Variants in NEBL observed in about 807,000 individuals in gnomAD.
NEBL encodes nebulette, also known as LIM and SH3 protein 2.
A neutral mutation model predicts 140.2 loss-of-function variants in NEBL; 122 were observed. The ratio of observed to expected loss-of-function variants is 0.87; its 90% CI spans 0.75 to 1.01. The LOEUF (loss-of-function observed/expected upper bound fraction) is 1.01, where lower values mean the gene tolerates loss of function less well. Among genes scored for constraint, NEBL ranks in the 50% least tolerant of loss-of-function variants. The pLI, the probability that NEBL is intolerant of heterozygous loss-of-function variation, is 0.00. For missense variants in NEBL, 1,365 were observed against 1,231.3 expected (o/e 1.11, Z -1.62); for synonymous variants, 436 against 398.9 (o/e 1.09, Z -1.11).
At chr10:21,128,760 G>A (rs1838960583) in intron 2 of NEBL, among the ~76,000 whole-genome samples, 1 of 152,108 alleles carries the variant, frequency 6.6e-6, no homozygotes, top group Non-Finnish European at 1.5e-5. Flanking sequence ...TTTTAAAAGT[G>A]TGACAAAAGT....
chr10:20,894,814 G>A (rs535137684), intron 2 of NEBL, among the ~76,000 whole-genome samples: 77 of 149,952 alleles, frequency 5.1e-4, no homozygotes, highest in African/African-American at 1.7e-3. Flanking sequence ...CTGTGGTCCC[G>A]GCTACTCGGG....
chr10:20,909,153 C>T (rs904969286), intron 4 of NEBL, among the ~76,000 whole-genome samples: 28 of 148,022 alleles, frequency 1.9e-4, no homozygotes, highest in African/African-American at 7.0e-4. Context: ...TTACAAACAT[C>T]CAACTACACT....
chr10:21,280,504 C>T (rs1264411095), intron 1 of NEBL, among the ~76,000 whole-genome samples: 1 of 151,480 alleles, frequency 6.6e-6, no homozygotes, highest in African/African-American at 2.4e-5. Flanking sequence ...TTGGGGGTGA[C>T]TGAAAAAGAC....
chr10:20,847,164 A>G (rs1299871621), intron 11 of NEBL, among the ~76,000 whole-genome samples: 1 of 152,160 alleles, frequency 6.6e-6, no homozygotes, highest in Admixed American at 6.6e-5. Context: ...CATCAGTCCT[A>G]TATTTAAAAA....
chr10:21,193,428 C>A (rs1841605511), intron 3 of NEBL, among the ~76,000 whole-genome samples: 1 of 152,140 alleles, frequency 6.6e-6, no homozygotes, highest in African/African-American at 2.4e-5. Flanking sequence ...AAACCCATCC[C>A]CACTGAAATC....
chr10:21,197,352 T>C (rs1164410323), intron 3 of NEBL, among the ~76,000 whole-genome samples: 1 of 152,154 alleles, frequency 6.6e-6, no homozygotes, highest in East Asian at 1.9e-4. Context: ...TGTCTAGAAG[T>C]TTTTCTTCTC....
At position 20,871,905 on chromosome 10, in the gene NEBL, TACCCTG is replaced by T. The variant is rs1255013305; in HGVS notation, c.481-2070_481-2065del. Among the ~76,000 whole-genome samples the T allele has an allele frequency of 2.0e-5, 3 of 152,224 alleles. No homozygotes were observed. In the East Asian group the frequency reaches 5.8e-4, roughly 29 times the overall value. ...AAATGATGGTAAATCAATCTCATCCTACCCTGAGTTAAATACAAGCTGTGTAAACAA... is the reference window on the plus strand; with the variant it reads ...AAATGATGGTAAATCAATCTCATCCTAGTTAAATACAAGCTGTGTAAACAA... On this transcript the variant is annotated intron_variant, in intron 5 of 27. Coordinates refer to ENST00000377122, the MANE Select transcript of NEBL (RefSeq NM_006393.3).
At chr10:20,918,612 A>G (rs1833424651) in intron 4 of NEBL, among the ~76,000 whole-genome samples, 1 of 152,152 alleles carries the variant, frequency 6.6e-6, no homozygotes, top group Middle Eastern at 3.4e-3. Context: ...GCACTTTGGG[A>G]GGCCGACGGG....
intron 3 of NEBL, among the ~76,000 whole-genome samples, chr10:21,239,215 G>T (rs111689129): frequency 6.6e-6 from 1 of 151,834 alleles, no homozygotes; most frequent in South Asian, 2.1e-4. Context: ...GTTCCAACTC[G>T]TCCTGGTGAG....
At chr10:21,133,360 G>A (rs1839203694) in intron 2 of NEBL, among the ~76,000 whole-genome samples, 2 of 152,106 alleles carry the variant, frequency 1.3e-5, no homozygotes, top group Admixed American at 6.6e-5. Flanking sequence ...GCTTAGCGGA[G>A]GGGGCTCCTT....
At chr10:21,135,087 G>A (rs1007261543) in intron 2 of NEBL, among the ~76,000 whole-genome samples, 7 of 152,206 alleles carry the variant, frequency 4.6e-5, no homozygotes, top group African/African-American at 1.7e-4. Context: ...CCTCTTGTGA[G>A]TCATTTTAGT....
At chr10:20,921,625 C>G (rs761125298) in intron 4 of NEBL, among the ~76,000 whole-genome samples, 2 of 152,180 alleles carry the variant, frequency 1.3e-5, no homozygotes, top group Admixed American at 1.3e-4. Flanking sequence ...CTCACTATCC[C>G]TTGCTTGTTC....
At chr10:21,063,897 A>G (rs1054641054) in intron 2 of NEBL, among the ~76,000 whole-genome samples, 14 of 151,084 alleles carry the variant, frequency 9.3e-5, no homozygotes, top group African/African-American at 3.4e-4. Flanking sequence ...ATAAATAAAT[A>G]TAAATATAAA....
chr10:21,266,035 C>G (rs773637863), intron 1 of NEBL, among the ~76,000 whole-genome samples: 33 of 152,226 alleles, frequency 2.2e-4, no homozygotes, highest in Non-Finnish European at 4.1e-4. Flanking sequence ...TTCAGCACCT[C>G]TGGCTGCCCC....
Position 20,996,737 on chromosome 10 carries a change from T to TA in NEBL, c.249+23379dup, listed in dbSNP as rs1416393109. Reference sequence around the variant, plus strand: ...TCTTAAAAGTATCATATGGACTGCCTAAAAACAGCCAGAAAGTTTTACAGG... The same window carrying TA: ...TCTTAAAAGTATCATATGGACTGCCTAAAAAACAGCCAGAAAGTTTTACAGG... On this transcript the variant is annotated intron_variant, in intron 3 of 6. Coordinates refer to the NEBL transcript ENST00000417816. Among the ~76,000 whole-genome samples, 3 of 152,170 alleles carry TA rather than the reference T, an allele frequency of 2.0e-5. No individual in the cohort carries two copies. In the East Asian group the frequency reaches 5.8e-4, roughly 29 times the overall value.
At chr10:20,961,573 C>T (rs1011229286) in intron 4 of NEBL, 16 of 897,856 alleles carry the variant, frequency 1.8e-5, no homozygotes, top group Non-Finnish European at 2.6e-5. Context: ...ACTGCTTGCA[C>T]CCCACAGCAA....
intron 2 of NEBL, among the ~76,000 whole-genome samples, chr10:21,037,258 G>C (rs1054666712): frequency 4.2e-4 from 64 of 151,960 alleles, no homozygotes; most frequent in African/African-American, 1.4e-3. Flanking sequence ...ATGAAAATGA[G>C]GGTGGGGGTG....
chr10:20,859,746 C>T lies in NEBL; in HGVS notation c.765G>A (p.Arg255=), dbSNP rs1448222865. The T allele has an allele frequency of 5.0e-6, 8 of 1,602,924 alleles. No individual in the cohort carries two copies. The highest frequency in any genetic ancestry group is 1.3e-5 in the African/African-American group (1 of 74,606). ...CCAGTGTAGCAGCAAGCTGATTCTG[C>T]CTAAAAGAAGCACTTTCAAGAGGAT... is the stretch of plus-strand genomic sequence containing the variant. ...HYNPLESASF[R]QNQLAATLAS... The change falls in exon 8 of 28, where the codon AGG becomes AGA. Residue 255 remains arginine (R), a synonymous_variant. Transcript: ENST00000377122.
intron 3 of NEBL, among the ~76,000 whole-genome samples, chr10:20,962,922 T>C (rs1037575442): frequency 6.6e-6 from 1 of 151,976 alleles, no homozygotes; most frequent in Admixed American, 6.6e-5. Flanking sequence ...CATGTCTGTA[T>C]TTAAATACCC....
Sources: allele counts gnomAD v4.1 joint callset (sites outside exome capture counted in the v4.1 genomes callset), GRCh38; gene constraint gnomAD v4.1.1; transcripts MANE v1.5; gene names NCBI Gene and HGNC (gene_info 2026-07-23, HGNC 2026-07-21).